The following PDE4B variants were observed in gnomAD, a reference collection of about 807,000 sequenced individuals.
PDE4B encodes the protein phosphodiesterase 4B.
In PDE4B, 20 loss-of-function variants were observed where a neutral mutation model predicts 82.2. The observed-to-expected ratio is 0.24, with a 90% CI of 0.17 to 0.35. The LOEUF is 0.35. PDE4B is among the 10% of genes least tolerant of loss of function. PDE4B has a pLI of 1.00. For missense variants in PDE4B, 655 were observed against 907.2 expected, an observed-to-expected ratio of 0.72 and a Z score of 3.57; for synonymous variants, 320 against 318.9, an observed-to-expected ratio of 1.00 and a Z score of -0.04.
intron 3 of PDE4B, among the ~76,000 whole-genome samples, chr1:65,988,635 ATT>A (rs11307637): frequency 6.6e-6 from 1 of 151,456 alleles, no homozygotes; most frequent in Non-Finnish European, 1.5e-5. Context: ...TCTTTTAAAG[ATT>A]TTTTTTTAAA....
chr1:65,887,085 T>C (rs1418307962), intron 1 of PDE4B, among the ~76,000 whole-genome samples: 1 of 152,034 alleles, frequency 6.6e-6, no homozygotes, highest in Non-Finnish European at 1.5e-5. Flanking sequence ...TATCACATTG[T>C]GGTTTCGATG....
intron 3 of PDE4B, among the ~76,000 whole-genome samples, chr1:66,159,572 T>G (rs969640082): frequency 1.3e-5 from 2 of 152,082 alleles, no homozygotes; most frequent in African/African-American, 2.4e-5. Context: ...GGAGAGAAAA[T>G]TCAAGTATTA....
At chr1:66,009,080 T>C (rs1029876965) in intron 3 of PDE4B, among the ~76,000 whole-genome samples, 1 of 152,166 alleles carries the variant, frequency 6.6e-6, no homozygotes, top group African/African-American at 2.4e-5. Context: ...ATGGACATCA[T>C]GGCTTTCTCC....
chr1:65,886,351 C>G (rs115259825), intron 1 of PDE4B, among the ~76,000 whole-genome samples: 2,267 of 152,096 alleles, frequency 0.015, 71 homozygotes, highest in African/African-American at 0.053. Flanking sequence ...TGTGTATCAC[C>G]TTGAATATGT....
At chr1:66,287,838 T>C (rs994016905) in intron 7 of PDE4B, among the ~76,000 whole-genome samples, 1 of 151,882 alleles carries the variant, frequency 6.6e-6, no homozygotes, top group Admixed American at 6.6e-5. Context: ...CTGAGCATGG[T>C]GGTGTGTACT....
chr1:65,849,050 T>A (rs1224944641), intron 1 of PDE4B, among the ~76,000 whole-genome samples: 1 of 152,046 alleles, frequency 6.6e-6, no homozygotes, highest in Non-Finnish European at 1.5e-5. Context: ...TATTAAGAGG[T>A]AAAGAGAATT....
intron 3 of PDE4B, among the ~76,000 whole-genome samples, chr1:66,084,335 A>G (rs1181303374): frequency 1.3e-5 from 2 of 152,170 alleles, no homozygotes; most frequent in African/African-American, 4.8e-5. Flanking sequence ...TCAATCGCTC[A>G]TAAGCAGTAA....
At chr1:66,104,208 G>A (rs1201001164) in intron 3 of PDE4B, among the ~76,000 whole-genome samples, 3 of 151,384 alleles carry the variant, frequency 2.0e-5, no homozygotes, top group Non-Finnish European at 4.4e-5. Flanking sequence ...TTGTTCTTGC[G>A]ATAGTTTACT....
At chr1:66,198,944 C>A (rs1648601555) in intron 3 of PDE4B, among the ~76,000 whole-genome samples, 1 of 152,108 alleles carries the variant, frequency 6.6e-6, no homozygotes, top group African/African-American at 2.4e-5. Flanking sequence ...ATGAACTCAT[C>A]ATTTTTTATG....
chr1:66,361,906 T>C, intron 10 of PDE4B, 113 bp downstream of exon 10: 1 of 831,014 alleles, frequency 1.2e-6, no homozygotes, highest in South Asian at 2.3e-5. Context: ...TTACATTTTG[T>C]GTTAGGGAAG....
At chr1:66,301,337 G>GGCT (rs986317447) in intron 7 of PDE4B, among the ~76,000 whole-genome samples, 3 of 152,126 alleles carry the variant, frequency 2.0e-5, no homozygotes, top group Non-Finnish European at 4.4e-5. Context: ...GGGCCTTGGA[G>GGCT]GCTGAGTCAG....
At chr1:66,032,611 C>A (rs1653842846) in intron 3 of PDE4B, among the ~76,000 whole-genome samples, 1 of 151,362 alleles carries the variant, frequency 6.6e-6, no homozygotes, top group Non-Finnish European at 1.5e-5. Context: ...AGGGTAGAGT[C>A]TCTACAGCTG....
chr1:65,888,462 TG>T (rs1276048593), intron 1 of PDE4B, among the ~76,000 whole-genome samples: 6 of 152,302 alleles, frequency 3.9e-5, no homozygotes, highest in South Asian at 2.1e-4. Flanking sequence ...ATTTTAGGAT[TG>T]TTTTTTCTAT....
intron 3 of PDE4B, among the ~76,000 whole-genome samples, chr1:66,238,497 A>G (rs1046065315): frequency 1.3e-5 from 2 of 152,216 alleles, no homozygotes; most frequent in Non-Finnish European, 2.9e-5. Context: ...AGTTGGGCAC[A>G]GTGGAAGTGG....
intron 1 of PDE4B, among the ~76,000 whole-genome samples, chr1:65,794,688 T>G (rs972803098): frequency 6.6e-5 from 10 of 152,230 alleles, no homozygotes; most frequent in African/African-American, 2.4e-4. Context: ...ATATGTTTGC[T>G]GGCTGTTTCT....
rs143402170 is a variant in PDE4B, at chr1:65,838,990, G to T, written c.-71+45742G>T. On this transcript the variant is annotated intron_variant, in intron 1 of 16. Coordinates refer to ENST00000341517, the MANE Select transcript of PDE4B (RefSeq NM_002600.4). ...TGTGTTGGATGATGAACTTAAAAAG[G>T]TTGTATTAAGAAAAATAATTTATTG... is the stretch of plus-strand genomic sequence containing the variant. Among the ~76,000 whole-genome samples the T allele has an allele frequency of 2.0e-3, 301 of 152,240 alleles. 1 individual carries two copies. Among genetic ancestry groups the T allele is most frequent in the South Asian group, 8.7e-3 (42 of 4,828 alleles).
Position 65,823,089 on chromosome 1 carries a change from C to T in PDE4B, c.-71+29841C>T, listed in dbSNP as rs529176752. 2.6e-5 allele frequency among the ~76,000 whole-genome samples: 4 copies of T among 152,074 alleles called. No individual in the cohort carries two copies. The East Asian group carries it at 7.8e-4, about 29-fold the overall frequency. ...ATTCTTATTCTTCTCTCCTGTTGTT[C>T]ATCTGCATTTTAAAAAATTCTGGAC... On this transcript the variant is annotated intron_variant, in intron 1 of 16. Coordinates refer to ENST00000341517, the MANE Select transcript of PDE4B (RefSeq NM_002600.4).
chr1:66,134,515 G>T (rs537587937), intron 3 of PDE4B, among the ~76,000 whole-genome samples: 1 of 152,104 alleles, frequency 6.6e-6, no homozygotes. Flanking sequence ...TAGACTCAGC[G>T]TCCAAAGGGT....
chr1:66,268,652 A>G (rs1655228133), intron 7 of PDE4B, among the ~76,000 whole-genome samples: 1 of 139,580 alleles, frequency 7.2e-6, no homozygotes, highest in Admixed American at 7.3e-5. Flanking sequence ...CAGGTGACAG[A>G]GCAAGACTCC....
Sources: allele counts gnomAD v4.1 joint callset (sites outside exome capture counted in the v4.1 genomes callset), GRCh38; gene constraint gnomAD v4.1.1; transcripts MANE v1.5; gene names NCBI Gene and HGNC (gene_info 2026-07-23, HGNC 2026-07-21).